The following HDAC9 variants were observed in gnomAD, a reference collection of about 807,000 sequenced individuals.
HDAC9 encodes MEF-2 interacting transcription repressor (MITR) protein.
Under a neutral mutation model 139.4 loss-of-function variants are expected in HDAC9, and 41 were observed. The observed-to-expected ratio is 0.29, with a 90% CI of 0.23 to 0.38. HDAC9 has a LOEUF of 0.38. Among genes scored for constraint, HDAC9 ranks in the 10% least tolerant of loss-of-function variants. The pLI is 1.00. For missense variants in HDAC9, 1,147 were observed against 1,297.0 expected, an observed-to-expected ratio of 0.88 and a Z score of 1.78; for synonymous variants, 517 against 476.2, an observed-to-expected ratio of 1.09 and a Z score of -1.12.
At chr7:18,344,305 C>T (rs183853476) in intron 1 of HDAC9, among the ~76,000 whole-genome samples, 99 of 151,954 alleles carry the variant, frequency 6.5e-4, no homozygotes, top group African/African-American at 2.3e-3. Flanking sequence ...GGAACTAGAT[C>T]AAGCACTTTA....
intron 1 of HDAC9, among the ~76,000 whole-genome samples, chr7:18,358,540 G>A (rs770991001): frequency 5.3e-5 from 8 of 152,202 alleles, no homozygotes; most frequent in Non-Finnish European, 1.0e-4. Context: ...CTTCGAATGA[G>A]TGTTTTCTCT....
chr7:18,942,690 C>G (rs566688367), intron 23 of HDAC9, among the ~76,000 whole-genome samples: 2 of 152,112 alleles, frequency 1.3e-5, no homozygotes, highest in Non-Finnish European at 1.5e-5. Context: ...CTGTAAATGA[C>G]TTGTGAAAGC....
intron 22 of HDAC9, among the ~76,000 whole-genome samples, chr7:18,923,478 C>A (rs1374666240): frequency 6.6e-6 from 1 of 151,948 alleles, no homozygotes; most frequent in Non-Finnish European, 1.5e-5. Flanking sequence ...GGTACATACC[C>A]AGCTATTCCC....
At chr7:18,099,467 C>CA (rs1208105174) in intron 1 of HDAC9, among the ~76,000 whole-genome samples, 3 of 111,374 alleles carry the variant, frequency 2.7e-5, no homozygotes, top group African/African-American at 7.9e-5. Context: ...GACTCTGTCT[C>CA]AAAAAAATAA....
Position 18,762,301 on chromosome 7 carries a change from T to G in HDAC9, c.2164+24T>G, listed in dbSNP as rs556031172. On this transcript the variant is annotated intron_variant, in intron 15 of 25. Coordinates refer to ENST00000686413, the MANE Select transcript of HDAC9 (RefSeq NM_178425.4). Reference sequence around the variant, plus strand: ...AGGTCTGTACGGGCCTCCACTGTACTGGGAACAGCACATTCCAGCACTATC... The same window carrying G: ...AGGTCTGTACGGGCCTCCACTGTACGGGGAACAGCACATTCCAGCACTATC... 4.3e-6 allele frequency: 7 copies of G among 1,612,460 alleles called. No homozygotes were observed. The South Asian group carries it at 7.7e-5, about 18-fold the overall frequency.
chr7:18,270,071 A>T (rs1475958104), intron 2 of HDAC9, among the ~76,000 whole-genome samples: 1 of 152,032 alleles, frequency 6.6e-6, no homozygotes, highest in Non-Finnish European at 1.5e-5. Context: ...CTACTGGCAC[A>T]CTCAGCCCAC....
At chr7:18,938,447 T>G (rs1486347313) in intron 23 of HDAC9, among the ~76,000 whole-genome samples, 1 of 151,638 alleles carries the variant, frequency 6.6e-6, no homozygotes, top group Middle Eastern at 3.4e-3. Context: ...TACAAAAAAT[T>G]AGCGGGGCGT....
At chr7:18,156,407 C>T (rs1787206795) in intron 1 of HDAC9, among the ~76,000 whole-genome samples, 2 of 152,200 alleles carry the variant, frequency 1.3e-5, no homozygotes, top group Non-Finnish European at 1.5e-5. Flanking sequence ...GGTGGCCCAT[C>T]TCAAGGATAT....
chr7:18,867,580 T>C (rs1426342237), intron 21 of HDAC9, among the ~76,000 whole-genome samples: 1 of 152,224 alleles, frequency 6.6e-6, no homozygotes, highest in Non-Finnish European at 1.5e-5. Context: ...GCTGTCAATA[T>C]CATTTTCTGA....
intron 14 of HDAC9, among the ~76,000 whole-genome samples, chr7:18,750,725 A>T (rs970575550): frequency 2.6e-5 from 4 of 152,186 alleles, no homozygotes; most frequent in Non-Finnish European, 4.4e-5. Context: ...GCAATCCCAT[A>T]TGGAGTCCAT....
intron 2 of HDAC9, among the ~76,000 whole-genome samples, chr7:18,189,806 A>T (rs974425037): frequency 2.0e-5 from 3 of 152,210 alleles, no homozygotes; most frequent in Admixed American, 2.0e-4. Flanking sequence ...CACATTAATT[A>T]AATTGAATCC....
At chr7:18,199,339 G>A (rs1438919992) in intron 2 of HDAC9, among the ~76,000 whole-genome samples, 2 of 151,930 alleles carry the variant, frequency 1.3e-5, no homozygotes, top group African/African-American at 2.4e-5. Context: ...ATTTATCCTT[G>A]GATTCATTTT....
chr7:18,323,059 G>C (rs1800147957), intron 1 of HDAC9, among the ~76,000 whole-genome samples: 1 of 152,110 alleles, frequency 6.6e-6, no homozygotes, highest in Non-Finnish European at 1.5e-5. Flanking sequence ...CCCACTTCTG[G>C]AATGAATAGC....
chr7:18,568,877 C>G (rs1450716360), intron 2 of HDAC9, among the ~76,000 whole-genome samples: 1 of 151,782 alleles, frequency 6.6e-6, no homozygotes, highest in Admixed American at 6.6e-5. Context: ...GAGAAACCTC[C>G]TCTCTACTAA....
At chr7:18,871,142 TTTGA>T (rs1205478149) in intron 21 of HDAC9, among the ~76,000 whole-genome samples, 1 of 152,230 alleles carries the variant, frequency 6.6e-6, no homozygotes, top group Non-Finnish European at 1.5e-5. Flanking sequence ...GGACTTGGTG[TTTGA>T]TTGTTTGGAT....
At chr7:18,871,826 G>A (rs1156503833) in intron 21 of HDAC9, among the ~76,000 whole-genome samples, 4 of 152,126 alleles carry the variant, frequency 2.6e-5, no homozygotes, top group Non-Finnish European at 4.4e-5. Flanking sequence ...AAAATAAAGA[G>A]ATCTGTGGAG....
chr7:18,829,452 A>G lies in HDAC9; in HGVS notation c.2379-9A>G. The G allele has an allele frequency of 6.3e-7, 1 of 1,596,234 alleles. No homozygotes were observed. The highest frequency in any genetic ancestry group is 1.7e-5 in the Admixed American group (1 of 59,538). On this transcript the variant is annotated splice_polypyrimidine_tract_variant and intron_variant, in intron 18 of 25. Transcript: ENST00000686413. ...CTTTCTTATTTCTCTGTTCTTCTCT[A>G]TTCCGCAGGGGGTTCTGCTTTTTTA...
chr7:18,329,547 C>A (rs73305302), intron 1 of HDAC9, among the ~76,000 whole-genome samples: 2 of 148,402 alleles, frequency 1.3e-5, no homozygotes. Context: ...AAAGAAATGT[C>A]ATCTCTCCAA....
chr7:18,367,141 G>C (rs1784245762), intron 1 of HDAC9, among the ~76,000 whole-genome samples: 1 of 151,988 alleles, frequency 6.6e-6, no homozygotes, highest in African/African-American at 2.4e-5. Flanking sequence ...AAAAGGCACA[G>C]ATAAGTAAAT....
Sources: allele counts gnomAD v4.1 joint callset (sites outside exome capture counted in the v4.1 genomes callset), GRCh38; gene constraint gnomAD v4.1.1; transcripts MANE v1.5; gene names NCBI Gene and HGNC (gene_info 2026-07-23, HGNC 2026-07-21).